The following AP3B1 variants were observed in gnomAD, a reference collection of about 807,000 sequenced individuals.
AP3B1 encodes adaptor related protein complex 3 subunit beta 1, also known as AP-3 complex subunit beta-1.
A neutral mutation model predicts 132.5 loss-of-function variants in AP3B1; 61 were observed. That is an observed-to-expected ratio of 0.46 (90% CI 0.37 to 0.57). The LOEUF is 0.57. Among genes scored for constraint, AP3B1 ranks in the 20% least tolerant of loss-of-function variants. The probability of loss-of-function intolerance (pLI) is 0.00; values close to 1 mark genes in which losing one functional copy is unlikely to be tolerated. For synonymous variants in AP3B1, 388 were observed against 438.3 expected, an observed-to-expected ratio of 0.89 and a Z score of 1.43; for missense variants, 1,120 against 1,289.4, an observed-to-expected ratio of 0.87 and a Z score of 2.01.
In AP3B1 at chr5:78,224,146, G is replaced by C. The variant is rs1185518097; in HGVS notation, c.603+1396C>G. On this transcript the variant is annotated intron_variant, in intron 6 of 26. Transcript: ENST00000255194. Reference sequence around the variant, plus strand: ...TTCATATCTGGCAGATAGCATGCCTGTCATACAGAAGACAAAAAGGAATCA... The same window carrying C: ...TTCATATCTGGCAGATAGCATGCCTCTCATACAGAAGACAAAAAGGAATCA... Among the ~76,000 whole-genome samples the C allele has an allele frequency of 2.6e-5, 4 of 152,090 alleles. 1 individual carries two copies. Among genetic ancestry groups the C allele is most frequent in the Admixed American group, 1.3e-4 (2 of 15,262 alleles).
intron 7 of AP3B1, among the ~76,000 whole-genome samples, chr5:78,206,086 T>TTCCAA (rs1211922041): frequency 6.6e-5 from 10 of 152,082 alleles, no homozygotes; most frequent in African/African-American, 2.4e-4. Context: ...CCACAACAAA[T>TTCCAA]TTTAAAAATT....
chr5:78,104,970 CCTTAAT>C (rs1362539705), intron 20 of AP3B1, among the ~76,000 whole-genome samples: 1 of 152,092 alleles, frequency 6.6e-6, no homozygotes, highest in East Asian at 1.9e-4. Context: ...CTAGTATGTA[CCTTAAT>C]CTTAGTTTTA....
chr5:78,156,401 G>A (rs572734398), intron 13 of AP3B1, 34 bp from the exon 14 acceptor site: 4 of 1,415,628 alleles, frequency 2.8e-6, no homozygotes, highest in Middle Eastern at 3.6e-4. Context: ...TACTAAATAT[G>A]TATAATTCAA....
chr5:78,171,488 T>C (rs1183859195), intron 11 of AP3B1, among the ~76,000 whole-genome samples: 4 of 152,210 alleles, frequency 2.6e-5, no homozygotes, highest in Non-Finnish European at 4.4e-5. Context: ...TTTTATTCTC[T>C]TCATAGCAAT....
chr5:78,271,405 G>A (rs1748541064), intron 1 of AP3B1, among the ~76,000 whole-genome samples: 1 of 152,130 alleles, frequency 6.6e-6, no homozygotes, highest in Admixed American at 6.5e-5. Context: ...TGGGCAACAA[G>A]AGTGAAACTC....
At chr5:78,105,182 T>C (rs565869295) in intron 20 of AP3B1, among the ~76,000 whole-genome samples, 66 of 152,300 alleles carry the variant, frequency 4.3e-4, no homozygotes, top group Middle Eastern at 3.4e-3. Flanking sequence ...ATTTTAATCA[T>C]AGAGTATCTA....
intron 26 of AP3B1, among the ~76,000 whole-genome samples, chr5:78,007,870 A>G (rs1443388222): frequency 1.3e-5 from 2 of 152,240 alleles, no homozygotes; most frequent in South Asian, 2.1e-4. Context: ...TTAGTTTTAG[A>G]GAATTTACAC....
chr5:78,086,136 A>G (rs1366017558), intron 22 of AP3B1, among the ~76,000 whole-genome samples: 1 of 152,078 alleles, frequency 6.6e-6, no homozygotes, highest in Admixed American at 6.6e-5. Context: ...ACTTTGAATC[A>G]CCCTTTCCTT....
At chr5:78,265,177 C>G (rs1339900287) in intron 2 of AP3B1, among the ~76,000 whole-genome samples, 1 of 152,130 alleles carries the variant, frequency 6.6e-6, no homozygotes, top group African/African-American at 2.4e-5. Flanking sequence ...TGGCTCACAC[C>G]TATAATCCCA....
intron 22 of AP3B1, among the ~76,000 whole-genome samples, chr5:78,048,619 T>C (rs577779467): frequency 6.2e-4 from 95 of 152,174 alleles, no homozygotes; most frequent in African/African-American, 2.2e-3. Context: ...TCCTGCCACA[T>C]TGTTCAGTGA....
chr5:78,191,684 T>G (rs1744840875), intron 7 of AP3B1, among the ~76,000 whole-genome samples: 1 of 152,042 alleles, frequency 6.6e-6, no homozygotes, highest in African/African-American at 2.4e-5. Flanking sequence ...TTCAAACTAG[T>G]CCAACAACTT....
intron 1 of AP3B1, 74 bp downstream of exon 1, chr5:78,294,378 C>T (rs1023367291): frequency 1.9e-6 from 3 of 1,607,636 alleles, no homozygotes; most frequent in African/African-American, 2.7e-5. Context: ...CTCCAGGAAG[C>T]CCACCCTGGC....
At chr5:78,027,363 C>CT (rs1433814999) in intron 24 of AP3B1, among the ~76,000 whole-genome samples, 1 of 152,082 alleles carries the variant, frequency 6.6e-6, no homozygotes, top group African/African-American at 2.4e-5. Context: ...GAAATGTCAC[C>CT]TTTATGACAT....
At position 78,002,724 on chromosome 5, in the gene AP3B1, A is replaced by G; in HGVS notation, c.*178T>C. On this transcript the variant is annotated 3_prime_UTR_variant, in exon 27 of 27. Transcript: ENST00000255194. ...TTGGTTAGCAAAGCAAAAAGGGGGAAAGTATTGCATACATGATAGATACAC... is the reference window on the plus strand; with the variant it reads ...TTGGTTAGCAAAGCAAAAAGGGGGAGAGTATTGCATACATGATAGATACAC... 1.4e-6 allele frequency: 1 copy of G among 726,000 alleles called. No homozygotes were observed. 45.0% of individuals were successfully genotyped at this position (726,000 alleles called of 1,614,324 possible).
At chr5:78,099,582 T>G (rs1327949821) in intron 21 of AP3B1, among the ~76,000 whole-genome samples, 2 of 152,058 alleles carry the variant, frequency 1.3e-5, no homozygotes, top group Non-Finnish European at 2.9e-5. Flanking sequence ...AGTTTATCAG[T>G]AGGATAAATT....
chr5:78,290,036 T>G (rs1178504902), intron 1 of AP3B1, among the ~76,000 whole-genome samples: 2 of 152,162 alleles, frequency 1.3e-5, no homozygotes, highest in African/African-American at 2.4e-5. Flanking sequence ...CTTTCCCAAA[T>G]AGCGTTAGTT....
rs548524433 is a variant in AP3B1, at chr5:78,021,932, C to A, written c.2895-1143G>T. On this transcript the variant is annotated intron_variant, in intron 24 of 26. Coordinates refer to ENST00000255194, the MANE Select transcript of AP3B1 (RefSeq NM_003664.5). ...AGGGACTTCTACCTTCATGTTAGAA[C>A]TGGATCCCACAGCCTGTGAGATGGT... Among the ~76,000 whole-genome samples the A allele has an allele frequency of 2.6e-5, 4 of 152,254 alleles. No homozygotes were observed. The East Asian group carries it at 7.7e-4, about 29-fold the overall frequency.
In AP3B1 at chr5:78,183,673, C is replaced by A. The variant is rs187596318; in HGVS notation, c.787-2011G>T. ...TCACCTGAGGTCAGGAGTTCAAGAC[C>A]AGCCTGGCCAACATGGCGAAACCCT... On this transcript the variant is annotated intron_variant, in intron 7 of 26. Transcript: ENST00000255194. 1.1e-3 allele frequency among the ~76,000 whole-genome samples: 163 copies of A among 152,030 alleles called. 1 individual carries two copies. Among genetic ancestry groups the A allele is most frequent in the African/African-American group, 3.8e-3 (159 of 41,476 alleles).
intron 26 of AP3B1, among the ~76,000 whole-genome samples, chr5:78,009,333 A>C (rs1400742255): frequency 2.0e-5 from 3 of 151,418 alleles, no homozygotes; most frequent in Non-Finnish European, 4.4e-5. Context: ...GGTGGCATGC[A>C]CTTGTAGTCC....
Sources: gnomAD v4.1 joint callset for allele counts (sites outside exome capture counted in the v4.1 genomes callset) on GRCh38, gnomAD v4.1.1 for gene constraint, MANE v1.5 for transcripts, NCBI Gene and HGNC (gene_info 2026-07-23, HGNC 2026-07-21) for gene names.